VAV3: variants seen among roughly 807,000 people sequenced by gnomAD.
VAV3 encodes guanine nucleotide exchange factor VAV3.
VAV3 carries 94 observed loss-of-function variants against 131.2 expected under a neutral mutation model. The ratio of observed to expected loss-of-function variants is 0.72; its 90% CI spans 0.61 to 0.85. The LOEUF is 0.85. Among genes scored for constraint, VAV3 ranks in the 40% least tolerant of loss-of-function variants. The pLI, the probability that VAV3 is intolerant of heterozygous loss-of-function variation, is 0.00. For synonymous variants in VAV3, 349 were observed against 342.0 expected (o/e 1.02, Z -0.22); for missense variants, 939 against 1,002.7 (o/e 0.94, Z 0.86).
chr1:107,881,974 T>C (rs1027805675), intron 1 of VAV3, among the ~76,000 whole-genome samples: 1 of 152,212 alleles, frequency 6.6e-6, no homozygotes, highest in African/African-American at 2.4e-5. Flanking sequence ...TTTTTCTCTA[T>C]GTGTAAAAGC....
At chr1:107,612,893 A>G (rs1479465153) in intron 21 of VAV3, among the ~76,000 whole-genome samples, 1 of 152,122 alleles carries the variant, frequency 6.6e-6, no homozygotes, top group Non-Finnish European at 1.5e-5. Flanking sequence ...GCTACCCTGC[A>G]TGGTACAATC....
chr1:107,801,747 T>C (rs1394692378), intron 2 of VAV3, among the ~76,000 whole-genome samples: 1 of 152,208 alleles, frequency 6.6e-6, no homozygotes, highest in Non-Finnish European at 1.5e-5. Context: ...CTGGAGTCTC[T>C]CTGAATCTGC....
At chr1:107,908,654 C>T (rs1487035386) in intron 1 of VAV3, among the ~76,000 whole-genome samples, 1 of 152,004 alleles carries the variant, frequency 6.6e-6, no homozygotes, top group Non-Finnish European at 1.5e-5. Context: ...TTTTCTTGCA[C>T]AATTTTAAAA....
At chr1:107,846,841 C>T (rs1668992230) in intron 2 of VAV3, among the ~76,000 whole-genome samples, 2 of 152,166 alleles carry the variant, frequency 1.3e-5, no homozygotes, top group Admixed American at 1.3e-4. Context: ...TAACACCCCA[C>T]TGTCAATATT....
intron 9 of VAV3, among the ~76,000 whole-genome samples, chr1:107,763,546 T>G (rs1360535450): frequency 6.6e-6 from 1 of 152,096 alleles, no homozygotes; most frequent in Non-Finnish European, 1.5e-5. Flanking sequence ...ATCATCATAT[T>G]TTGAGTCACA....
intron 20 of VAV3, among the ~76,000 whole-genome samples, chr1:107,635,008 T>C (rs1461549399): frequency 1.3e-5 from 2 of 151,596 alleles, no homozygotes; most frequent in Non-Finnish European, 2.9e-5. Context: ...AGGAACACTT[T>C]TACACTGTTG....
chr1:107,643,870 A>G (rs1223073078), intron 19 of VAV3, among the ~76,000 whole-genome samples: 1 of 152,100 alleles, frequency 6.6e-6, no homozygotes, highest in Non-Finnish European at 1.5e-5. Flanking sequence ...TTTAGTCAAC[A>G]CTTGTTTATC....
At chr1:107,596,119 T>C in intron 25 of VAV3, 93 bp downstream of exon 25, 1 of 1,510,206 alleles carries the variant, frequency 6.6e-7, no homozygotes, top group Non-Finnish European at 8.9e-7. Flanking sequence ...CATCCATTGG[T>C]TATATTTTAA....
At chr1:107,924,259 G>A (rs753494801) in intron 1 of VAV3, among the ~76,000 whole-genome samples, 3 of 152,094 alleles carry the variant, frequency 2.0e-5, no homozygotes, top group East Asian at 3.9e-4. Flanking sequence ...CTATGTCATC[G>A]CTATTTTAAA....
chr1:107,619,289 T>C (rs1205023941), intron 20 of VAV3, among the ~76,000 whole-genome samples: 2 of 152,048 alleles, frequency 1.3e-5, no homozygotes, highest in African/African-American at 4.8e-5. Context: ...CAGAAACTAG[T>C]GAAACAACAA....
chr1:107,878,029 G>T (rs1474792320), intron 1 of VAV3, among the ~76,000 whole-genome samples: 2 of 151,694 alleles, frequency 1.3e-5, no homozygotes, highest in Admixed American at 1.3e-4. Context: ...TTTTTTTCCA[G>T]TTTATTTATT....
At chr1:107,677,949 T>A (rs900007302) in intron 19 of VAV3, 2 of 152,024 alleles carry the variant, frequency 1.3e-5, no homozygotes, top group Non-Finnish European at 2.9e-5. Flanking sequence ...GAGAAATAAA[T>A]CCTCCTCCAA....
At chr1:107,795,476 G>A (rs944286099) in intron 2 of VAV3, among the ~76,000 whole-genome samples, 3 of 151,996 alleles carry the variant, frequency 2.0e-5, no homozygotes, top group Admixed American at 6.6e-5. Flanking sequence ...TTCTGTTTTG[G>A]TACTATTGTC....
At chr1:107,874,879 G>T (rs1277048479) in intron 2 of VAV3, 22 bp downstream of exon 2, 1 of 1,593,730 alleles carries the variant, frequency 6.3e-7, no homozygotes. Context: ...AAAAAGTAGT[G>T]TTAAAAATGA....
intron 10 of VAV3, among the ~76,000 whole-genome samples, chr1:107,759,082 A>C (rs373967783): frequency 4.5e-4 from 68 of 152,204 alleles, no homozygotes; most frequent in African/African-American, 1.6e-3. Flanking sequence ...TGTACCTTAC[A>C]TGTACCTATC....
intron 2 of VAV3, among the ~76,000 whole-genome samples, chr1:107,803,766 T>C (rs994012516): frequency 2.6e-5 from 4 of 152,118 alleles, no homozygotes; most frequent in Non-Finnish European, 4.4e-5. Flanking sequence ...TAGGTCTATT[T>C]GGTCTAGTGT....
In VAV3 at chr1:107,722,840, C is replaced by CTCTCTTT. The variant is rs371987024; in HGVS notation, c.1503-17780_1503-17779insAAAGAGA. 6.0e-4 allele frequency among the ~76,000 whole-genome samples: 78 copies of CTCTCTTT among 129,784 alleles called. 3 individuals carry two copies. The highest frequency in any genetic ancestry group is 2.5e-4 in the Non-Finnish European group (16 of 63,270). 85.1% of individuals were successfully genotyped at this position (129,784 alleles called of 152,430 possible). ...GTGTCAGAAAGCCCTATTATCCTCTCTTTTTTTTTTTTTTTGTACGCTTAC... is the reference window on the plus strand; with the variant it reads ...GTGTCAGAAAGCCCTATTATCCTCTCTCTCTTTTTTTTTTTTTTTTTTGTACGCTTAC... On this transcript the variant is annotated intron_variant, in intron 15 of 26. Transcript: ENST00000370056.
chr1:107,887,070 TA>T lies in VAV3; in HGVS notation c.205-12054del, dbSNP rs544347013. 1.2e-4 allele frequency among the ~76,000 whole-genome samples: 18 copies of T among 152,360 alleles called. No individual in the cohort carries two copies. The South Asian group carries it at 3.5e-3, about 30-fold the overall frequency. On this transcript the variant is annotated intron_variant, in intron 1 of 26. Transcript: ENST00000370056. ...AACTAGAAATAGATGAAACACTTGT[TA>T]GTATGTTTTTACTAGTCAAAGAGAA... is the stretch of plus-strand genomic sequence containing the variant.
At chr1:107,597,187 T>G (rs1292910923) in intron 24 of VAV3, among the ~76,000 whole-genome samples, 3 of 150,804 alleles carry the variant, frequency 2.0e-5, no homozygotes, top group Non-Finnish European at 4.4e-5. Context: ...ACTTAATTAT[T>G]CAATGTTTCT....
Sources: gnomAD v4.1 joint callset for allele counts (sites outside exome capture counted in the v4.1 genomes callset) on GRCh38, gnomAD v4.1.1 for gene constraint, MANE v1.5 for transcripts, NCBI Gene and HGNC (gene_info 2026-07-23, HGNC 2026-07-21) for gene names.